WDR74: variants seen among roughly 807,000 people sequenced by gnomAD.
WDR74 encodes the protein WD repeat-containing protein 74.
WDR74 carries 31 observed loss-of-function variants against 45.6 expected under a neutral mutation model. That is an observed-to-expected ratio of 0.68 (90% CI 0.51 to 0.92). The LOEUF (loss-of-function observed/expected upper bound fraction) is 0.92. Among genes scored for constraint, WDR74 ranks in the 40% least tolerant of loss-of-function variants. The probability of loss-of-function intolerance (pLI) is 0.00; values close to 1 mark genes in which losing one functional copy is unlikely to be tolerated. For missense variants in WDR74, 455 were observed against 497.2 expected, an observed-to-expected ratio of 0.92 and a Z score of 0.81; for synonymous variants, 191 against 192.4, an observed-to-expected ratio of 0.99 and a Z score of 0.06.
chr11:62,837,692 T>G (rs912535012), intron 3 of WDR74, among the ~76,000 whole-genome samples: 1 of 152,036 alleles, frequency 6.6e-6, no homozygotes, highest in Non-Finnish European at 1.5e-5. Context: ...AAGAACCAGT[T>G]CAGACATCCA....
chr11:62,841,609 C>CT (rs1220351513), upstream of WDR74: 5 of 151,254 alleles, frequency 3.3e-5, no homozygotes, highest in South Asian at 4.2e-4. Flanking sequence ...CGGTTGTTCT[C>CT]TCCCCGAAGG....
intron 3 of WDR74, chr11:62,836,267 A>C: frequency 2.0e-6 from 1 of 492,346 alleles, no homozygotes; most frequent in Non-Finnish European, 3.7e-6. Flanking sequence ...CCAGCTTCCT[A>C]ATCTGTTAAT....
chr11:62,841,740 G>C (rs370494108), upstream of WDR74: 1 of 152,138 alleles, frequency 6.6e-6, no homozygotes, highest in African/African-American at 2.4e-5. Context: ...TCGGATAGAG[G>C]ACGTATCAGA....
chr11:62,841,201 C>T (rs1172864098), upstream of WDR74, among the ~76,000 whole-genome samples: 1 of 152,240 alleles, frequency 6.6e-6, no homozygotes, highest in African/African-American at 2.4e-5. Flanking sequence ...CCTGTAGTCC[C>T]AGCCACTCGG....
At chr11:62,841,041 G>A (rs1019979934), upstream of WDR74, among the ~76,000 whole-genome samples, 1 of 152,178 alleles carries the variant, frequency 6.6e-6, no homozygotes, top group Non-Finnish European at 1.5e-5. Context: ...AAAACAGGCC[G>A]GGCGCGGTGG....
chr11:62,838,614 C>G (rs371044731), intron 3 of WDR74, among the ~76,000 whole-genome samples: 8 of 151,784 alleles, frequency 5.3e-5, no homozygotes, highest in African/African-American at 1.5e-4. Flanking sequence ...CAAAAATAGC[C>G]GCGCGTGGTG....
chr11:62,839,145 C>T lies in WDR74; in HGVS notation c.262G>A (p.Gly88Ser). The T allele has an allele frequency of 6.2e-7, 1 of 1,613,656 alleles. No homozygotes were observed. The highest frequency in any genetic ancestry group is 8.5e-7 in the Non-Finnish European group (1 of 1,179,900). Residue 88 changes from glycine to serine, a missense_variant, in exon 3 of 11, where the codon GGC becomes AGC. Physicochemically the swap from Gly to Ser is moderately conservative, Grantham distance 56. Transcript: ENST00000278856. ...GCCTGGGCGAGGCCACGGAACATGC[C>T]CTCCCCGCCCGGGCAGTGTCTCTGA... ...QGQRHCPGGE[G>S]MFRGLAQADG...
At chr11:62,836,583 T>C in intron 3 of WDR74, 1 of 160,034 alleles carries the variant, frequency 6.2e-6, no homozygotes, top group South Asian at 1.7e-4. Flanking sequence ...TCCCGAGAAG[T>C]CCAAGCAAGT....
At chr11:62,834,390 G>GCGCGC in intron 7 of WDR74, 37 bp downstream of exon 7, 1 of 1,584,246 alleles carries the variant, frequency 6.3e-7, no homozygotes, top group Non-Finnish European at 8.6e-7. Flanking sequence ...CCCTTCTCAA[G>GCGCGC]CCCCACCCTC....
In WDR74 at chr11:62,839,104, T is replaced by C; in HGVS notation, c.293+10A>G. 6.2e-7 allele frequency: 1 copy of C among 1,612,914 alleles called. No homozygotes were observed. The highest frequency in any genetic ancestry group is 8.5e-7 in the Non-Finnish European group (1 of 1,179,860). On this transcript the variant is annotated intron_variant, in intron 3 of 10. Coordinates refer to ENST00000278856, the MANE Select transcript of WDR74 (RefSeq NM_001369450.1). ...TTCGGCCCTGAGTTTAGCGAGGGGA[T>C]TGGTCTTACCCGTCGGCCTGGGCGA...
At chr11:62,838,249 T>G (rs2084987529) in intron 3 of WDR74, among the ~76,000 whole-genome samples, 1 of 152,088 alleles carries the variant, frequency 6.6e-6, no homozygotes, top group African/African-American at 2.4e-5. Flanking sequence ...GCGGGACGGA[T>G]TCAAGCGATT....
At chr11:62,841,507 C>T (rs1026096218), upstream of WDR74, 2 of 152,136 alleles carry the variant, frequency 1.3e-5, no homozygotes, top group African/African-American at 4.8e-5. Flanking sequence ...TCATTCAACA[C>T]ACTAGCGATA....
In WDR74 at chr11:62,835,787, G is replaced by A. The variant is rs1222404231; in HGVS notation, c.424C>T (p.His142Tyr). 1.2e-6 allele frequency: 2 copies of A among 1,613,764 alleles called. No homozygotes were observed. The highest frequency in any genetic ancestry group is 1.1e-5 in the South Asian group (1 of 91,048). ...CCACCTGTGGCAACCACATGGGGGT[G>A]TGCTGGGTCTTGGCGCATCCTACAC... ...GVCRMRQDPA[H>Y]PHVVATGGKE... is the part of the protein sequence containing the mutation. The change falls in exon 5 of 11, where the codon CAC becomes TAC. Residue 142 changes from histidine (H) to tyrosine (Y), a missense_variant. Physicochemically the swap from His to Tyr is moderately conservative, Grantham distance 83. Coordinates refer to ENST00000278856, the MANE Select transcript of WDR74 (RefSeq NM_001369450.1).
Position 62,839,355 on chromosome 11 carries a change from G to A in WDR74, c.138C>T (p.Ser46=). 1 of 1,611,708 alleles carries A rather than the reference G, an allele frequency of 6.2e-7. No homozygotes were observed. Among genetic ancestry groups the A allele is most frequent in the Admixed American group, 1.7e-5 (1 of 60,010 alleles). Residue 46 remains serine, a synonymous_variant, in exon 2 of 11, where the codon AGC becomes AGT. Transcript: ENST00000278856. ...GGQPRREEAV[S]ALCWGTGGET... ...CGCCGCCGGTGCCCCAACACAGGGC[G>A]CTCACTGCCTCCTCGCGCCGCGGCT...
upstream of WDR74, chr11:62,841,546 G>T (rs117934244): frequency 0.05 from 7,511 of 151,142 alleles, 240 homozygotes; most frequent in East Asian, 0.15. Context: ...CAAACAACAA[G>T]AACATAACTA....
chr11:62,834,390 G>GCGC, intron 7 of WDR74, 37 bp downstream of exon 7: 9 of 1,584,194 alleles, frequency 5.7e-6, no homozygotes, highest in Non-Finnish European at 6.9e-6. Flanking sequence ...CCCTTCTCAA[G>GCGC]CCCCACCCTC....
intron 1 of WDR74, 31 bp downstream of exon 1, chr11:62,839,476 G>A (rs2085013916): frequency 6.2e-7 from 1 of 1,613,436 alleles, no homozygotes; most frequent in Admixed American, 1.7e-5. Flanking sequence ...GTGCACCCCT[G>A]CACTTCCCGA....
intron 7 of WDR74, 37 bp downstream of exon 7, chr11:62,834,390 G>GCGGGGC: frequency 1.1e-5 from 17 of 1,583,996 alleles, no homozygotes; most frequent in Non-Finnish European, 1.4e-5. Flanking sequence ...CCCTTCTCAA[G>GCGGGGC]CCCCACCCTC....
At chr11:62,837,843 T>C (rs999747696) in intron 3 of WDR74, among the ~76,000 whole-genome samples, 4 of 152,250 alleles carry the variant, frequency 2.6e-5, no homozygotes, top group Admixed American at 2.6e-4. Flanking sequence ...TCCTAATCTT[T>C]GCTTTCAGAG....
Sources: gnomAD v4.1 joint callset for allele counts (sites outside exome capture counted in the v4.1 genomes callset) on GRCh38, gnomAD v4.1.1 for gene constraint, MANE v1.5 for transcripts, NCBI Gene and HGNC (gene_info 2026-07-23, HGNC 2026-07-21) for gene names.